Variants in RASGRP1 observed in about 807,000 individuals in gnomAD.
RASGRP1 encodes the protein RAS guanyl-releasing protein 1.
In RASGRP1, 37 loss-of-function variants were observed where a neutral mutation model predicts 95.1. The ratio of observed to expected loss-of-function variants is 0.39; its 90% CI spans 0.30 to 0.51. RASGRP1 has a LOEUF of 0.51. Ranked by LOEUF, RASGRP1 falls within the 20% of genes least tolerant of loss-of-function variation. RASGRP1 has a pLI of 0.80. For missense variants in RASGRP1, 711 were observed against 965.4 expected (o/e 0.74, Z 3.49); for synonymous variants, 325 against 353.4 (o/e 0.92, Z 0.90).
intron 6 of RASGRP1, among the ~76,000 whole-genome samples, chr15:38,515,440 C>T (rs959360045): frequency 1.3e-5 from 2 of 152,180 alleles, no homozygotes; most frequent in Non-Finnish European, 2.9e-5. Flanking sequence ...CTGTTGGCAT[C>T]TGACATGTTG....
chr15:38,539,309 C>T (rs1033009916), intron 2 of RASGRP1, among the ~76,000 whole-genome samples: 2 of 152,180 alleles, frequency 1.3e-5, no homozygotes, highest in Non-Finnish European at 2.9e-5. Flanking sequence ...CTGAACCATC[C>T]ACCATGTGCC....
intron 15 of RASGRP1, among the ~76,000 whole-genome samples, chr15:38,497,964 T>C (rs56294917): frequency 0.19 from 28,235 of 152,132 alleles, 3,035 homozygotes; most frequent in Non-Finnish European, 0.25. Context: ...TTCTAGAATT[T>C]TGACAATTAC....
chr15:38,501,118 C>T, intron 13 of RASGRP1, 25 bp downstream of exon 13: 1 of 1,570,722 alleles, frequency 6.4e-7, no homozygotes, highest in Non-Finnish European at 8.6e-7. Flanking sequence ...AAATTCAGCC[C>T]TGGAGCACCC....
At chr15:38,526,246 A>C (rs760220873) in intron 3 of RASGRP1, 53 bp downstream of exon 3, 2 of 1,393,214 alleles carry the variant, frequency 1.4e-6, no homozygotes, top group Non-Finnish European at 2.0e-6. Context: ...ATTTCAAGCT[A>C]CTTTTTGGGT....
chr15:38,558,006 C>T (rs1195635833), intron 2 of RASGRP1, among the ~76,000 whole-genome samples: 2 of 152,120 alleles, frequency 1.3e-5, no homozygotes, highest in South Asian at 2.1e-4. Flanking sequence ...CAGTCTTGAA[C>T]TCGGCCGGCA....
chr15:38,496,862 G>T (rs1471362855), intron 15 of RASGRP1, among the ~76,000 whole-genome samples: 1 of 152,152 alleles, frequency 6.6e-6, no homozygotes, highest in Non-Finnish European at 1.5e-5. Context: ...AATGCATGTG[G>T]ATATTTACCA....
chr15:38,516,068 G>A, intron 6 of RASGRP1, 129 bp downstream of exon 6: 1 of 1,071,890 alleles, frequency 9.3e-7, no homozygotes, highest in South Asian at 1.6e-5. Flanking sequence ...ACTCTATGAT[G>A]TCTGGCAGGA....
At chr15:38,559,545 A>G (rs1352361052) in intron 2 of RASGRP1, among the ~76,000 whole-genome samples, 1 of 152,202 alleles carries the variant, frequency 6.6e-6, no homozygotes, top group Non-Finnish European at 1.5e-5. Flanking sequence ...TCATTTTATG[A>G]TATTTTTCAT....
chr15:38,520,520 T>G (rs1891960687), intron 3 of RASGRP1, among the ~76,000 whole-genome samples: 1 of 152,242 alleles, frequency 6.6e-6, no homozygotes, highest in Admixed American at 6.5e-5. Flanking sequence ...CATATTAGAA[T>G]GATAGCCTTG....
intron 2 of RASGRP1, among the ~76,000 whole-genome samples, chr15:38,536,038 C>T (rs767017826): frequency 7.2e-5 from 11 of 152,304 alleles, no homozygotes; most frequent in African/African-American, 2.4e-4. Context: ...TCTGGGACAA[C>T]GCTATGACTT....
At chr15:38,531,030 T>TA (rs1892415856) in intron 2 of RASGRP1, among the ~76,000 whole-genome samples, 1 of 152,084 alleles carries the variant, frequency 6.6e-6, no homozygotes, top group Non-Finnish European at 1.5e-5. Flanking sequence ...ACAGAGATAT[T>TA]AAAAAAGAGC....
chr15:38,549,282 A>G (rs1795268889), intron 2 of RASGRP1, among the ~76,000 whole-genome samples: 1 of 152,238 alleles, frequency 6.6e-6, no homozygotes, highest in African/African-American at 2.4e-5. Flanking sequence ...TGCATTTGGC[A>G]TTTAATAAGT....
In RASGRP1 at chr15:38,542,895, GTA is replaced by G. The variant is rs373705786; in HGVS notation, c.221-16493_221-16492del. 6.3e-4 allele frequency among the ~76,000 whole-genome samples: 81 copies of G among 129,290 alleles called. 1 individual carries two copies. The highest frequency in any genetic ancestry group is 3.2e-3 in the South Asian group (13 of 4,124). 84.8% of individuals were successfully genotyped at this position (129,290 alleles called of 152,430 possible). A position where few individuals can be genotyped will look rare whatever the true frequency, so the allele number is the denominator to read the frequency against. On this transcript the variant is annotated intron_variant, in intron 2 of 16. Transcript: ENST00000310803. The stretch of plus-strand genomic sequence containing the variant: ...TGTGTATATATATACACATATATGT[GTA>G]TATATATACACATATATATGTGTGT...
At chr15:38,529,208 T>C (rs1277090568) in intron 2 of RASGRP1, among the ~76,000 whole-genome samples, 1 of 152,186 alleles carries the variant, frequency 6.6e-6, no homozygotes, top group Non-Finnish European at 1.5e-5. Context: ...TATACAGAAG[T>C]CAGGACAAAC....
chr15:38,512,731 A>T (rs759825840), intron 7 of RASGRP1, 52 bp downstream of exon 7: 1 of 1,599,580 alleles, frequency 6.3e-7, no homozygotes. Flanking sequence ...GGAAAAGGGG[A>T]TAGAAAGTTT....
Position 38,525,425 on chromosome 15 carries a change from C to T in RASGRP1, c.326+874G>A, listed in dbSNP as rs534609351. 5.3e-4 allele frequency among the ~76,000 whole-genome samples: 80 copies of T among 152,232 alleles called. 1 individual carries two copies. Among genetic ancestry groups the T allele is most frequent in the African/African-American group, 1.8e-3 (76 of 41,534 alleles). ...TTAAAATTCTCTGCAGAAGAGGCACCCACTTATTACCTGCACCTCTTATTT... is the reference window on the plus strand; with the variant it reads ...TTAAAATTCTCTGCAGAAGAGGCACTCACTTATTACCTGCACCTCTTATTT... On this transcript the variant is annotated intron_variant, in intron 3 of 16. Transcript: ENST00000310803.
At chr15:38,519,454 A>T in intron 3 of RASGRP1, 83 bp from the exon 4 acceptor site, 1 of 985,950 alleles carries the variant, frequency 1.0e-6, no homozygotes, top group Non-Finnish European at 1.5e-6. Context: ...TGCTGAAACT[A>T]CCTCCCAAAA....
chr15:38,564,323 G>C (rs891404893), intron 1 of RASGRP1, among the ~76,000 whole-genome samples: 1 of 152,136 alleles, frequency 6.6e-6, no homozygotes, highest in Non-Finnish European at 1.5e-5. Flanking sequence ...TCCGCGAAGA[G>C]CTTCGGCCCT....
rs1891787509 is a variant in RASGRP1, at chr15:38,516,367, T to C, written c.522-17A>G. Reference sequence around the variant, plus strand: ...CGGGCATTGCTTTTGTGGGTAAATGTGAAAGGGAGAAGACAGGGAAAAGGA... The same window carrying C: ...CGGGCATTGCTTTTGTGGGTAAATGCGAAAGGGAGAAGACAGGGAAAAGGA... On this transcript the variant is annotated splice_polypyrimidine_tract_variant and intron_variant, in intron 5 of 16. Coordinates refer to ENST00000310803, the MANE Select transcript of RASGRP1 (RefSeq NM_005739.4). The C allele has an allele frequency of 6.2e-7, 1 of 1,603,834 alleles. No individual in the cohort carries two copies. Among genetic ancestry groups the C allele is most frequent in the Non-Finnish European group, 8.5e-7 (1 of 1,170,986 alleles).
Sources: gnomAD v4.1 joint callset for allele counts (sites outside exome capture counted in the v4.1 genomes callset) on GRCh38, gnomAD v4.1.1 for gene constraint, MANE v1.5 for transcripts, NCBI Gene and HGNC (gene_info 2026-07-23, HGNC 2026-07-21) for gene names.